SLC28A1: variants seen among roughly 807,000 people sequenced by gnomAD.
SLC28A1 encodes the protein solute carrier family 28 member 1.
Under a neutral mutation model 74.8 loss-of-function variants are expected in SLC28A1, and 64 were observed. That is an observed-to-expected ratio of 0.86 (90% CI 0.70 to 1.05). The LOEUF is 1.05. Among genes scored for constraint, SLC28A1 ranks in the 50% least tolerant of loss-of-function variants. SLC28A1 has a pLI of 0.00. For missense variants in SLC28A1, 828 were observed against 822.8 expected, an observed-to-expected ratio of 1.01 and a Z score of -0.08; for synonymous variants, 359 against 335.0, an observed-to-expected ratio of 1.07 and a Z score of -0.78.
intron 9 of SLC28A1, 65 bp downstream of exon 9, chr15:84,908,860 G>C: frequency 7.3e-7 from 1 of 1,374,864 alleles, no homozygotes; most frequent in Non-Finnish European, 1.0e-6. Flanking sequence ...AGCTAGAGGG[G>C]AGTCTGGGCA....
At chr15:84,889,359 G>GT (rs1164618737) in intron 4 of SLC28A1, among the ~76,000 whole-genome samples, 3 of 152,192 alleles carry the variant, frequency 2.0e-5, no homozygotes, top group Non-Finnish European at 1.5e-5. Context: ...CTGGGTCCTT[G>GT]TTGGCCAGAT....
downstream of SLC28A1, among the ~76,000 whole-genome samples, chr15:84,947,218 T>C (rs558588491): frequency 6.6e-6 from 1 of 152,344 alleles, no homozygotes; most frequent in African/African-American, 2.4e-5. Flanking sequence ...GCTAGGCTCT[T>C]GCCTTCTCTC....
At chr15:84,934,604 T>C (rs1166094660) in intron 13 of SLC28A1, among the ~76,000 whole-genome samples, 1 of 152,254 alleles carries the variant, frequency 6.6e-6, no homozygotes, top group Non-Finnish European at 1.5e-5. Context: ...TGTCATTTTC[T>C]AGTAGTTGTC....
intron 18 of SLC28A1, 58 bp from the exon 19 acceptor site, chr15:84,945,067 G>A (rs62021453): frequency 0.19 from 273,729 of 1,479,170 alleles, 28,009 homozygotes; most frequent in Middle Eastern, 0.22. Context: ...GCACAGCCTG[G>A]TGGTGGCCCG....
the SLC28A1 span, among the ~76,000 whole-genome samples, chr15:84,965,258 TG>T: frequency 6.6e-6 from 1 of 152,186 alleles, no homozygotes. Flanking sequence ...AAAATGTGTT[TG>T]CTTCCCCTTC....
At position 84,886,884 on chromosome 15, in the gene SLC28A1, T is replaced by C. The variant is rs576379519; in HGVS notation, c.-17+97T>C. On this transcript the variant is annotated intron_variant, in intron 2 of 18. Transcript: ENST00000394573. The stretch of plus-strand genomic sequence containing the variant: ...CTCTGCCTGTGTGTGTGCACGCACA[T>C]GCACGGGTCTCTGAGTATGTCAGCC... 18 of 557,376 alleles carry C rather than the reference T, an allele frequency of 3.2e-5. No homozygotes were observed. In the South Asian group the frequency reaches 1.2e-3, roughly 38 times the overall value. 34.5% of individuals were successfully genotyped at this position (557,376 alleles called of 1,614,324 possible).
the SLC28A1 span, among the ~76,000 whole-genome samples, chr15:84,964,682 C>T: frequency 6.6e-6 from 1 of 152,200 alleles, no homozygotes; most frequent in South Asian, 2.1e-4. Flanking sequence ...GGATTGACCC[C>T]TTGTGGTCAC....
chr15:84,908,574 C>G, intron 8 of SLC28A1, 144 bp from the exon 9 acceptor site: 1 of 712,944 alleles, frequency 1.4e-6, no homozygotes. Flanking sequence ...TTTAACGCAC[C>G]TTGCCAGGTG....
At chr15:84,956,438 C>T in the SLC28A1 span, among the ~76,000 whole-genome samples, 1 of 96,104 alleles carries the variant, frequency 1.0e-5, no homozygotes, top group Admixed American at 1.0e-4. Flanking sequence ...TCTCTTCCTT[C>T]CTTCCTTTCT....
chr15:84,886,347 C>G (rs902685962), intron 1 of SLC28A1: 5 of 985,040 alleles, frequency 5.1e-6, no homozygotes, highest in Non-Finnish European at 6.0e-6. Context: ...AAAAAGCTAA[C>G]AGCCTGGCTG....
intron 9 of SLC28A1, among the ~76,000 whole-genome samples, chr15:84,911,873 AAAAAG>A (rs796149835): frequency 0.12 from 15,795 of 132,308 alleles, 728 homozygotes; most frequent in South Asian, 0.33. Flanking sequence ...AAAAAAAAAA[AAAAAG>A]AAGAAGAAGA....
At chr15:84,899,554 C>T (rs867469939) in intron 6 of SLC28A1, among the ~76,000 whole-genome samples, 14 of 152,096 alleles carry the variant, frequency 9.2e-5, no homozygotes, top group African/African-American at 3.4e-4. Flanking sequence ...GGATTACTAG[C>T]AGATTTCTTG....
At chr15:84,956,176 A>G in the SLC28A1 span, among the ~76,000 whole-genome samples, 1 of 152,124 alleles carries the variant, frequency 6.6e-6, no homozygotes, top group East Asian at 1.9e-4. Context: ...GTGATTTTAG[A>G]TAGTGCCTTT....
chr15:84,919,496 G>T (rs947603294), intron 10 of SLC28A1, among the ~76,000 whole-genome samples: 4 of 152,104 alleles, frequency 2.6e-5, no homozygotes, highest in African/African-American at 9.7e-5. Flanking sequence ...TAGAGGGTAT[G>T]GTTTCAAGAT....
Position 84,908,720 on chromosome 15 carries a change from C to G in SLC28A1, c.720C>G (p.Ile240Met). The stretch of plus-strand genomic sequence containing the variant: ...TTTGTTTTGCTTTTTTCTTTCAGAT[C>G]TTCCTGAGCTACACGAAGGCTGGCT... ...AFEWLGEQIR[I>M]FLSYTKAGSS... The change falls in exon 9 of 19, where the codon ATC (isoleucine) becomes ATG (methionine). Residue 240 changes from isoleucine to methionine, a missense_variant and splice_region_variant. Transcript: ENST00000394573. 6.2e-7 allele frequency: 1 copy of G among 1,613,370 alleles called. No homozygotes were observed. The highest frequency in any genetic ancestry group is 1.3e-5 in the African/African-American group (1 of 75,038).
chr15:84,887,882 C>G (rs1359111616), intron 3 of SLC28A1, 26 bp downstream of exon 3: 2 of 1,537,466 alleles, frequency 1.3e-6, no homozygotes, highest in South Asian at 1.1e-5. Context: ...CATCAGTCAT[C>G]CTGACCCCTC....
At chr15:84,916,111 C>G (rs1165477293) in intron 9 of SLC28A1, among the ~76,000 whole-genome samples, 1 of 151,768 alleles carries the variant, frequency 6.6e-6, no homozygotes, top group African/African-American at 2.4e-5. Flanking sequence ...TACAGGCACC[C>G]GCCACTACCC....
intron 8 of SLC28A1, among the ~76,000 whole-genome samples, chr15:84,906,499 GGTTTGTTT>G (rs141096497): frequency 0.44 from 51,199 of 117,042 alleles, 10,166 homozygotes; most frequent in Non-Finnish European, 0.5. Flanking sequence ...ATTAAAACAT[GGTTTGTTT>G]GTTTGTTTGT....
At chr15:84,886,643 A>G (rs918256245) in intron 1 of SLC28A1, 29 bp from the exon 2 acceptor site, 1 of 985,496 alleles carries the variant, frequency 1.0e-6, no homozygotes. Context: ...TGGCAGGCCC[A>G]ACCTACTCCG....
Sources: allele counts gnomAD v4.1 joint callset (sites outside exome capture counted in the v4.1 genomes callset), GRCh38; gene constraint gnomAD v4.1.1; transcripts MANE v1.5; gene names NCBI Gene and HGNC (gene_info 2026-07-23, HGNC 2026-07-21).